VPS8: variants seen among roughly 807,000 people sequenced by gnomAD.
VPS8 encodes the protein vacuolar protein sorting-associated protein 8 homolog.
A neutral mutation model predicts 216.4 loss-of-function variants in VPS8; 129 were observed. The observed-to-expected ratio is 0.60, with a 90% CI of 0.52 to 0.69. VPS8 has a LOEUF of 0.69. Among genes scored for constraint, VPS8 ranks in the 30% least tolerant of loss-of-function variants. The pLI is 0.00. For synonymous variants in VPS8, 571 were observed against 565.4 expected, an observed-to-expected ratio of 1.01 and a Z score of -0.14; for missense variants, 1,531 against 1,683.5, an observed-to-expected ratio of 0.91 and a Z score of 1.59.
intron 3 of VPS8, among the ~76,000 whole-genome samples, chr3:184,828,012 G>T (rs770282269): frequency 6.6e-6 from 1 of 152,078 alleles, no homozygotes; most frequent in Non-Finnish European, 1.5e-5. Flanking sequence ...AATGAAAAGG[G>T]CCGAAGTAGA....
chr3:184,936,947 C>T (rs750191760), intron 35 of VPS8, among the ~76,000 whole-genome samples: 1 of 152,052 alleles, frequency 6.6e-6, no homozygotes, highest in South Asian at 2.1e-4. Context: ...ACCATGTTAC[C>T]AGGTTGGTCT....
At position 184,858,567 on chromosome 3, in the gene VPS8, A is replaced by G. The variant is rs139979945; in HGVS notation, c.1144-1418A>G. Reference sequence around the variant, plus strand: ...TCACAAGGAGCCAAATCAGTACTGTATGGTGGATCGAATTGCTCTCAAAAT... The same window carrying G: ...TCACAAGGAGCCAAATCAGTACTGTGTGGTGGATCGAATTGCTCTCAAAAT... On this transcript the variant is annotated intron_variant, in intron 14 of 47. Transcript: ENST00000625842. 4.9e-4 allele frequency among the ~76,000 whole-genome samples: 74 copies of G among 152,284 alleles called. 1 individual carries two copies. In the South Asian group the frequency reaches 7.5e-3, roughly 15 times the overall value.
chr3:184,960,943 G>T (rs943768294), intron 37 of VPS8, among the ~76,000 whole-genome samples: 3 of 152,156 alleles, frequency 2.0e-5, no homozygotes, highest in African/African-American at 7.2e-5. Context: ...GCTCTTAATT[G>T]CTGGGATAAA....
chr3:184,967,081 C>T lies in VPS8; in HGVS notation c.3316+368C>T, dbSNP rs983025423. Among the ~76,000 whole-genome samples, 31 of 152,110 alleles carry T rather than the reference C, an allele frequency of 2.0e-4. 1 individual carries two copies. The highest frequency in any genetic ancestry group is 6.7e-4 in the African/African-American group (28 of 41,504). ...TTCCAGGCTTAAGCAGTCCTTCTGC[C>T]TCACCCTCCCAAGTAGCTGGGACTA... On this transcript the variant is annotated intron_variant, in intron 39 of 47. Coordinates refer to ENST00000625842, the MANE Select transcript of VPS8 (RefSeq NM_001009921.3).
chr3:184,925,990 G>T (rs867646412), intron 30 of VPS8, among the ~76,000 whole-genome samples: 8 of 150,914 alleles, frequency 5.3e-5, no homozygotes, highest in Admixed American at 6.6e-5. Context: ...GGCCAGGCTG[G>T]TCTTGAACTC....
intron 42 of VPS8, among the ~76,000 whole-genome samples, chr3:184,990,847 A>G (rs1341654149): frequency 6.6e-6 from 1 of 152,182 alleles, no homozygotes; most frequent in Non-Finnish European, 1.5e-5. Flanking sequence ...AGAAGTGGTC[A>G]CATGATAAGA....
chr3:184,982,031 C>T (rs543426680), intron 40 of VPS8, among the ~76,000 whole-genome samples: 50 of 150,666 alleles, frequency 3.3e-4, no homozygotes, highest in Non-Finnish European at 6.0e-4. Context: ...TTTCCTGGTC[C>T]GTGATGACTT....
chr3:184,917,100 AATGAGGGGCACC>A (rs1299872206), intron 28 of VPS8, among the ~76,000 whole-genome samples: 1 of 152,122 alleles, frequency 6.6e-6, no homozygotes, highest in African/African-American at 2.4e-5. Context: ...AGGAACACTT[AATGAGGGGCACC>A]TACTGGAACG....
intron 25 of VPS8, among the ~76,000 whole-genome samples, chr3:184,902,319 T>C (rs1406435979): frequency 2.7e-5 from 4 of 150,780 alleles, no homozygotes; most frequent in Non-Finnish European, 5.9e-5. Context: ...CTACCAAAAA[T>C]ATAAAAATTA....
chr3:184,846,295 C>G (rs1193216321), intron 8 of VPS8, among the ~76,000 whole-genome samples: 1 of 152,164 alleles, frequency 6.6e-6, no homozygotes, highest in African/African-American at 2.4e-5. Flanking sequence ...GCAGGAATGG[C>G]TAAGATTGAT....
intron 36 of VPS8, among the ~76,000 whole-genome samples, chr3:184,941,982 G>A (rs1399667719): frequency 6.6e-6 from 1 of 151,672 alleles, no homozygotes; most frequent in African/African-American, 2.4e-5. Flanking sequence ...CCTAGTTCTT[G>A]GATTCATCAT....
chr3:185,012,820 C>G (rs1217425518), intron 45 of VPS8, among the ~76,000 whole-genome samples: 1 of 152,142 alleles, frequency 6.6e-6, no homozygotes, highest in Admixed American at 6.5e-5. Flanking sequence ...GACACACACA[C>G]AGAAATATAG....
intron 30 of VPS8, 100 bp from the exon 31 acceptor site, chr3:184,926,494 G>T (rs1578276751): frequency 8.2e-7 from 1 of 1,214,660 alleles, no homozygotes; most frequent in South Asian, 1.5e-5. Flanking sequence ...GTCTGGGTGT[G>T]AATGAGTTGG....
At chr3:184,986,529 GCTC>G (rs1751104754) in intron 42 of VPS8, among the ~76,000 whole-genome samples, 1 of 152,148 alleles carries the variant, frequency 6.6e-6, no homozygotes, top group South Asian at 2.1e-4. Flanking sequence ...TATTCCCCGT[GCTC>G]CTCTTCCCCC....
chr3:184,967,592 C>T (rs768162914), intron 39 of VPS8, among the ~76,000 whole-genome samples: 1 of 152,028 alleles, frequency 6.6e-6, no homozygotes, highest in Non-Finnish European at 1.5e-5. Context: ...AATCCCAGCA[C>T]TTTAGGAGGC....
chr3:185,042,791 T>TA (rs35465596), intron 46 of VPS8, among the ~76,000 whole-genome samples: 1 of 152,138 alleles, frequency 6.6e-6, no homozygotes, highest in Non-Finnish European at 1.5e-5. Flanking sequence ...AATCCATTTT[T>TA]AAAAAAATAT....
intron 38 of VPS8, 98 bp downstream of exon 38, chr3:184,964,655 T>C (rs1437352114): frequency 1.6e-6 from 1 of 627,546 alleles, no homozygotes; most frequent in African/African-American, 1.9e-5. Context: ...TTGCAGACCG[T>C]AATATATTTT....
intron 8 of VPS8, 107 bp downstream of exon 8, chr3:184,843,352 G>GA (rs11384502): frequency 0.37 from 272,987 of 743,534 alleles, 58,313 homozygotes; most frequent in African/African-American, 0.67. Context: ...AATGCTTATT[G>GA]AAAAAAACCC....
At chr3:184,933,109 G>A (rs1740977501) in intron 34 of VPS8, among the ~76,000 whole-genome samples, 2 of 152,292 alleles carry the variant, frequency 1.3e-5, no homozygotes, top group African/African-American at 4.8e-5. Flanking sequence ...TTATTCTGAT[G>A]TATGCTAACT....
Sources: allele counts gnomAD v4.1 joint callset (sites outside exome capture counted in the v4.1 genomes callset), GRCh38; gene constraint gnomAD v4.1.1; transcripts MANE v1.5; gene names NCBI Gene and HGNC (gene_info 2026-07-23, HGNC 2026-07-21).